The following RSRC1 variants were observed in gnomAD, a reference collection of about 807,000 sequenced individuals.
RSRC1 encodes the protein serine/Arginine-related protein 53.
Under a neutral mutation model 49.1 loss-of-function variants are expected in RSRC1, and 39 were observed. The observed-to-expected ratio is 0.79, with a 90% confidence interval of 0.61 to 1.04. The LOEUF (loss-of-function observed/expected upper bound fraction) is 1.04, where lower values mean the gene tolerates loss of function less well. Among genes scored for constraint, RSRC1 ranks in the 50% least tolerant of loss-of-function variants. The probability of loss-of-function intolerance (pLI) is 0.00; values close to 1 mark genes in which losing one functional copy is unlikely to be tolerated. For synonymous variants in RSRC1, 143 were observed against 130.8 expected (o/e 1.09, Z -0.63); for missense variants, 388 against 402.4 (o/e 0.96, Z 0.31).
chr3:158,341,218 T>C (rs113575144), intron 5 of RSRC1, among the ~76,000 whole-genome samples: 79,478 of 151,928 alleles, frequency 0.52, 21,179 homozygotes, highest in African/African-American at 0.61. Context: ...ACATAAGTAG[T>C]AAGGAGCCTC....
Position 158,250,212 on chromosome 3 carries a change from C to T in RSRC1, c.494+46967C>T, listed in dbSNP as rs79692628. ...GTTAGCACGTTTTCTTTATCCATTTCTGTGTTGATGGACACTTAGGTTGTT... is the reference window on the plus strand; with the variant it reads ...GTTAGCACGTTTTCTTTATCCATTTTTGTGTTGATGGACACTTAGGTTGTT... On this transcript the variant is annotated intron_variant, in intron 4 of 9. Coordinates refer to ENST00000611884, the MANE Select transcript of RSRC1 (RefSeq NM_001271838.2). Among the ~76,000 whole-genome samples the T allele has an allele frequency of 2.3e-3, 343 of 152,254 alleles. 1 individual carries two copies. Among genetic ancestry groups the T allele is most frequent in the African/African-American group, 7.9e-3 (330 of 41,556 alleles).
intron 5 of RSRC1, among the ~76,000 whole-genome samples, chr3:158,329,720 C>T (rs1729421297): frequency 6.6e-6 from 1 of 152,218 alleles, no homozygotes; most frequent in Admixed American, 6.5e-5. Flanking sequence ...ATTCTCAGAT[C>T]TCAAACTCCG....
intron 6 of RSRC1, among the ~76,000 whole-genome samples, chr3:158,360,672 C>T (rs990455602): frequency 5.3e-5 from 8 of 152,214 alleles, no homozygotes; most frequent in African/African-American, 1.9e-4. Flanking sequence ...ACATACCTGG[C>T]GGGGCTGTGA....
At chr3:158,197,031 T>A (rs376993071) in intron 3 of RSRC1, among the ~76,000 whole-genome samples, 1 of 152,174 alleles carries the variant, frequency 6.6e-6, no homozygotes, top group Admixed American at 6.6e-5. Flanking sequence ...GAGTTAGGGA[T>A]GATTCCCTCT....
intron 5 of RSRC1, among the ~76,000 whole-genome samples, chr3:158,312,438 G>C (rs1354723462): frequency 1.3e-5 from 2 of 152,132 alleles, no homozygotes; most frequent in African/African-American, 4.8e-5. Flanking sequence ...GATCAGGAGA[G>C]ATGACTCTGT....
At chr3:158,361,745 A>T (rs1302638103) in intron 6 of RSRC1, among the ~76,000 whole-genome samples, 1 of 152,152 alleles carries the variant, frequency 6.6e-6, no homozygotes, top group East Asian at 1.9e-4. Context: ...TTGGTCTTCA[A>T]GTTTCCCGTA....
chr3:158,156,864 G>A (rs1039112738), intron 3 of RSRC1, among the ~76,000 whole-genome samples: 1 of 152,180 alleles, frequency 6.6e-6, no homozygotes, highest in South Asian at 2.1e-4. Context: ...CAATAATAAT[G>A]AAAAAGTTTG....
intron 5 of RSRC1, among the ~76,000 whole-genome samples, chr3:158,331,733 T>G (rs1729557636): frequency 6.6e-6 from 1 of 151,926 alleles, no homozygotes; most frequent in African/African-American, 2.4e-5. Flanking sequence ...TTGGAATATT[T>G]TTTTCCTCAT....
chr3:158,287,396 G>A (rs1451402175), intron 4 of RSRC1, among the ~76,000 whole-genome samples: 1 of 152,072 alleles, frequency 6.6e-6, no homozygotes, highest in Non-Finnish European at 1.5e-5. Flanking sequence ...AAATAGTGGA[G>A]ATGAAATATA....
chr3:158,443,645 C>T (rs1015637813), intron 6 of RSRC1, among the ~76,000 whole-genome samples: 1 of 152,124 alleles, frequency 6.6e-6, no homozygotes, highest in Non-Finnish European at 1.5e-5. Flanking sequence ...ACTTTCTTAC[C>T]ATTTATGTGT....
At chr3:158,237,998 T>C (rs1223446596) in intron 4 of RSRC1, among the ~76,000 whole-genome samples, 1 of 152,212 alleles carries the variant, frequency 6.6e-6, no homozygotes, top group African/African-American at 2.4e-5. Context: ...CTCCTTAAGC[T>C]GATAAGTAAC....
At chr3:158,155,494 G>A (rs1420646348) in intron 3 of RSRC1, among the ~76,000 whole-genome samples, 2 of 151,900 alleles carry the variant, frequency 1.3e-5, no homozygotes, top group Non-Finnish European at 2.9e-5. Flanking sequence ...TAGGGCAGTG[G>A]CATGATCTCG....
At chr3:158,261,041 C>A (rs1724865524) in intron 4 of RSRC1, among the ~76,000 whole-genome samples, 1 of 152,094 alleles carries the variant, frequency 6.6e-6, no homozygotes, top group Non-Finnish European at 1.5e-5. Flanking sequence ...ATATTGCTTA[C>A]CTGATTTGGG....
chr3:158,216,629 T>C (rs1721960654), intron 4 of RSRC1, among the ~76,000 whole-genome samples: 1 of 151,386 alleles, frequency 6.6e-6, no homozygotes, highest in South Asian at 2.1e-4. Context: ...AAACAAAAAA[T>C]TGTTTAAAAA....
At chr3:158,384,420 G>A (rs1473189362) in intron 6 of RSRC1, among the ~76,000 whole-genome samples, 1 of 152,126 alleles carries the variant, frequency 6.6e-6, no homozygotes, top group Non-Finnish European at 1.5e-5. Flanking sequence ...GGGAGGCTAG[G>A]GAGGGAATGT....
intron 4 of RSRC1, among the ~76,000 whole-genome samples, chr3:158,273,858 C>T (rs565165044): frequency 3.3e-5 from 5 of 152,246 alleles, no homozygotes; most frequent in Non-Finnish European, 7.4e-5. Flanking sequence ...CTTTCTCTCA[C>T]TCTTACTCTC....
chr3:158,477,371 A>G (rs544081735), intron 7 of RSRC1, among the ~76,000 whole-genome samples: 1 of 152,244 alleles, frequency 6.6e-6, no homozygotes, highest in South Asian at 2.1e-4. Context: ...TGATGCAGCA[A>G]GCTTCATTGT....
chr3:158,179,325 A>G (rs1719445476), intron 3 of RSRC1, among the ~76,000 whole-genome samples: 1 of 152,252 alleles, frequency 6.6e-6, no homozygotes, highest in Admixed American at 6.5e-5. Context: ...AGACATTGAT[A>G]CAGCTAAGAT....
intron 5 of RSRC1, among the ~76,000 whole-genome samples, chr3:158,345,788 T>TATATAC (rs369670608): frequency 0.068 from 10,146 of 148,724 alleles, 399 homozygotes; most frequent in South Asian, 0.12. Flanking sequence ...TATATATATA[T>TATATAC]ACACATATAT....
Sources: allele counts gnomAD v4.1 joint callset (sites outside exome capture counted in the v4.1 genomes callset), GRCh38; gene constraint gnomAD v4.1.1; transcripts MANE v1.5; gene names NCBI Gene and HGNC (gene_info 2026-07-23, HGNC 2026-07-21).